Variants in CELF5 observed in about 807,000 individuals in gnomAD.
The protein encoded by CELF5 is CUG-BP and ETR-3 like factor 5.
In CELF5, 6 loss-of-function variants were observed where a neutral mutation model predicts 54.9. The observed-to-expected ratio is 0.11, with a 90% CI of 0.06 to 0.22. CELF5 has a LOEUF of 0.22. Among genes scored for constraint, CELF5 ranks in the 10% least tolerant of loss-of-function variants. CELF5 has a pLI of 1.00. For synonymous variants in CELF5, 271 were observed against 290.9 expected, an observed-to-expected ratio of 0.93 and a Z score of 0.70; for missense variants, 401 against 678.6, an observed-to-expected ratio of 0.59 and a Z score of 4.54.
At chr19:3,262,103 C>G (rs765163678) in intron 2 of CELF5, among the ~76,000 whole-genome samples, 1 of 152,108 alleles carries the variant, frequency 6.6e-6, no homozygotes, top group Non-Finnish European at 1.5e-5. Context: ...GGCGTGATCT[C>G]GGCTCACTGC....
intron 2 of CELF5, among the ~76,000 whole-genome samples, chr19:3,269,552 C>T (rs2079928688): frequency 6.6e-6 from 1 of 152,224 alleles, no homozygotes; most frequent in African/African-American, 2.4e-5. Flanking sequence ...CCCAGCCTCA[C>T]TGCAAGACAC....
At chr19:3,252,082 C>G (rs2079659017) in intron 2 of CELF5, among the ~76,000 whole-genome samples, 1 of 150,146 alleles carries the variant, frequency 6.7e-6, no homozygotes, top group South Asian at 2.2e-4. Flanking sequence ...GGGTCTTGCT[C>G]TGTTACCCAG....
chr19:3,254,136 A>T (rs2079687484), intron 2 of CELF5, among the ~76,000 whole-genome samples: 2 of 152,130 alleles, frequency 1.3e-5, no homozygotes, highest in Non-Finnish European at 1.5e-5. Context: ...CCTGGATCTG[A>T]GTCCACTTTG....
At chr19:3,231,917 TTGGA>T (rs1917285928) in intron 1 of CELF5, among the ~76,000 whole-genome samples, 1 of 147,730 alleles carries the variant, frequency 6.8e-6, no homozygotes, top group Non-Finnish European at 1.5e-5. Context: ...AAATTAATGG[TTGGA>T]TGGATGGATG....
At chr19:3,236,921 G>A (rs1303697716) in intron 1 of CELF5, among the ~76,000 whole-genome samples, 2 of 151,468 alleles carry the variant, frequency 1.3e-5, no homozygotes, top group Non-Finnish European at 2.9e-5. Context: ...CCCGGGAGGC[G>A]GAGATTGCAG....
At chr19:3,251,509 G>A (rs951901318) in intron 2 of CELF5, among the ~76,000 whole-genome samples, 4 of 152,132 alleles carry the variant, frequency 2.6e-5, no homozygotes, top group African/African-American at 9.7e-5. Flanking sequence ...GGCAGGGGAG[G>A]TGACAGGGCT....
intron 1 of CELF5, among the ~76,000 whole-genome samples, chr19:3,233,195 G>A (rs971593844): frequency 2.0e-5 from 3 of 152,208 alleles, no homozygotes; most frequent in Admixed American, 6.5e-5. Flanking sequence ...GCTGAGGTGC[G>A]AGGATGGCTT....
At chr19:3,258,849 G>A (rs181041698) in intron 2 of CELF5, among the ~76,000 whole-genome samples, 5 of 151,128 alleles carry the variant, frequency 3.3e-5, no homozygotes, top group South Asian at 4.2e-4. Flanking sequence ...GGGCTCAAGC[G>A]ATCCTCCCGC....
intron 12 of CELF5, chr19:3,296,338 A>G (rs2080445517): frequency 2.1e-5 from 1 of 48,128 alleles, no homozygotes; most frequent in South Asian, 6.2e-4. Context: ...AAAAGAAAGA[A>G]AAAAAAAAAA....
intron 1 of CELF5, among the ~76,000 whole-genome samples, chr19:3,235,203 G>A (rs1241933534): frequency 6.6e-6 from 1 of 152,126 alleles, no homozygotes; most frequent in Non-Finnish European, 1.5e-5. Context: ...TACTCACATA[G>A]CTCCTTCCTT....
chr19:3,238,501 G>T (rs1197883856), intron 1 of CELF5, among the ~76,000 whole-genome samples: 1 of 152,128 alleles, frequency 6.6e-6, no homozygotes, highest in South Asian at 2.1e-4. Flanking sequence ...TGTGGGTAGG[G>T]CCTCACTTTC....
chr19:3,244,549 G>C lies in CELF5; in HGVS notation c.260-6436G>C, dbSNP rs181773870. 4.6e-3 allele frequency among the ~76,000 whole-genome samples: 676 copies of C among 147,990 alleles called. 4 individuals carry two copies. Among genetic ancestry groups the C allele is most frequent in the Non-Finnish European group, 7.6e-3 (506 of 67,016 alleles). On this transcript the variant is annotated intron_variant, in intron 1 of 12. Coordinates refer to ENST00000292672, the MANE Select transcript of CELF5 (RefSeq NM_021938.4). ...TCTGCGTGTGTGTGTAGTGTGTTTT[G>C]CATGCATTGCGTGTGATGTGTGTGG...
chr19:3,267,248 G>A (rs1327766116), intron 2 of CELF5, among the ~76,000 whole-genome samples: 1 of 150,720 alleles, frequency 6.6e-6, no homozygotes, highest in African/African-American at 2.4e-5. Flanking sequence ...CCCACCAACC[G>A]CCCGGCCCAA....
At chr19:3,229,704 G>A (rs1312446339) in intron 1 of CELF5, among the ~76,000 whole-genome samples, 5 of 152,218 alleles carry the variant, frequency 3.3e-5, no homozygotes, top group African/African-American at 1.2e-4. Flanking sequence ...GCATGGGGCC[G>A]GGCACAGAGT....
intron 1 of CELF5, among the ~76,000 whole-genome samples, chr19:3,236,392 A>G (rs1917601244): frequency 6.6e-6 from 1 of 152,046 alleles, no homozygotes; most frequent in Non-Finnish European, 1.5e-5. Flanking sequence ...AGGCTCAGAG[A>G]GGTTAAGTGG....
intron 1 of CELF5, among the ~76,000 whole-genome samples, chr19:3,230,415 C>T (rs1917199923): frequency 6.6e-6 from 1 of 152,160 alleles, no homozygotes; most frequent in African/African-American, 2.4e-5. Context: ...CAGCAGTGAA[C>T]AAGATAGGTA....
rs558827694 is a variant in CELF5, at chr19:3,259,605, G to A, written c.342+8538G>A. Among the ~76,000 whole-genome samples, 19 of 152,224 alleles carry A rather than the reference G, an allele frequency of 1.2e-4. No individual in the cohort carries two copies. The South Asian group carries it at 3.3e-3, about 27-fold the overall frequency. ...CTGTCTCCCTCCCCACTCAGGGTGC[G>A]GATTTTAATGTGTGCAGCCTCCTGG... On this transcript the variant is annotated intron_variant, in intron 2 of 12. Transcript: ENST00000292672.
intron 2 of CELF5, 22 bp downstream of exon 2, chr19:3,251,089 G>A: frequency 6.3e-7 from 1 of 1,593,790 alleles, no homozygotes; most frequent in South Asian, 1.1e-5. Context: ...GTGGTGTCTG[G>A]GGAGGAGGGG....
At chr19:3,277,729 G>T (rs2145245250) in intron 4 of CELF5, among the ~76,000 whole-genome samples, 1 of 152,212 alleles carries the variant, frequency 6.6e-6, no homozygotes, top group Admixed American at 6.5e-5. Context: ...ACCTGTGTCT[G>T]GTGGTCTCTG....
Sources: gnomAD v4.1 joint callset for allele counts (sites outside exome capture counted in the v4.1 genomes callset) on GRCh38, gnomAD v4.1.1 for gene constraint, MANE v1.5 for transcripts, NCBI Gene and HGNC (gene_info 2026-07-23, HGNC 2026-07-21) for gene names.